The following CCDC178 variants were observed in gnomAD, a reference collection of about 807,000 sequenced individuals.
CCDC178 encodes the protein coiled-coil domain-containing protein 178.
In CCDC178, 126 loss-of-function variants were observed where a neutral mutation model predicts 117.4. The observed-to-expected ratio is 1.07, with a 90% CI of 0.93 to 1.24. CCDC178 has a LOEUF of 1.24. CCDC178 is among the 50% of genes most tolerant of loss of function. CCDC178 has a pLI of 0.00. For synonymous variants in CCDC178, 283 were observed against 313.4 expected, an observed-to-expected ratio of 0.90 and a Z score of 1.02; for missense variants, 1,030 against 986.9, an observed-to-expected ratio of 1.04 and a Z score of -0.59.
chr18:32,995,014 T>C (rs2055474031), intron 21 of CCDC178, among the ~76,000 whole-genome samples: 1 of 152,226 alleles, frequency 6.6e-6, no homozygotes, highest in African/African-American at 2.4e-5. Flanking sequence ...AGCTCAGTTA[T>C]GCCAAGTTGA....
Position 33,092,927 on chromosome 18 carries a change from T to A in CCDC178, c.2239-17A>T. ...TATTATTTTCTAGAAGGTAAAAAAA[T>A]ATAATTGAATTGTGTGTATATATAT... On this transcript the variant is annotated splice_polypyrimidine_tract_variant and intron_variant, in intron 20 of 22. Transcript: ENST00000383096. 1 of 1,464,672 alleles carries A rather than the reference T, an allele frequency of 6.8e-7. No individual in the cohort carries two copies. Among genetic ancestry groups the A allele is most frequent in the East Asian group, 2.3e-5 (1 of 43,258 alleles). 90.7% of individuals were successfully genotyped at this position (1,464,672 alleles called of 1,614,324 possible). A position where few individuals can be genotyped will look rare whatever the true frequency, so the allele number is the denominator to read the frequency against.
intron 15 of CCDC178, among the ~76,000 whole-genome samples, chr18:33,229,202 C>G (rs1248105112): frequency 6.6e-6 from 1 of 152,128 alleles, no homozygotes; most frequent in Non-Finnish European, 1.5e-5. Flanking sequence ...TCGATCAACT[C>G]CACAGCAAAC....
chr18:32,972,143 C>T (rs576245106), intron 22 of CCDC178, among the ~76,000 whole-genome samples: 96 of 151,958 alleles, frequency 6.3e-4, no homozygotes, highest in African/African-American at 1.9e-3. Context: ...AGGGGTTTTA[C>T]GGCTTTGGGT....
At chr18:33,186,228 C>T (rs1568041492) in intron 20 of CCDC178, among the ~76,000 whole-genome samples, 1 of 152,012 alleles carries the variant, frequency 6.6e-6, no homozygotes, top group Non-Finnish European at 1.5e-5. Context: ...ACTCTTTCTA[C>T]TAGGAAATTA....
chr18:33,307,932 G>C (rs1410743768), intron 11 of CCDC178, among the ~76,000 whole-genome samples: 2 of 152,228 alleles, frequency 1.3e-5, no homozygotes, highest in Non-Finnish European at 2.9e-5. Flanking sequence ...GGAAACACAT[G>C]GATGTCCAGG....
intron 21 of CCDC178, chr18:32,983,331 T>A: frequency 3.9e-6 from 6 of 1,531,058 alleles, no homozygotes; most frequent in Non-Finnish European, 5.2e-6. Flanking sequence ...TTTGGAAGTT[T>A]CTTAGGTAAG....
chr18:33,073,514 T>G (rs2057146933), intron 21 of CCDC178, among the ~76,000 whole-genome samples: 1 of 139,008 alleles, frequency 7.2e-6, no homozygotes, highest in African/African-American at 2.9e-5. Context: ...CATCTATCTA[T>G]CTATCTATCT....
intron 21 of CCDC178, among the ~76,000 whole-genome samples, chr18:33,009,308 G>C (rs7230035): frequency 0.15 from 22,903 of 152,012 alleles, 2,546 homozygotes; most frequent in African/African-American, 0.31. Flanking sequence ...CACTTCTCAT[G>C]TCAAAGCTCT....
intron 21 of CCDC178, among the ~76,000 whole-genome samples, chr18:33,042,955 C>T (rs1038118675): frequency 9.2e-5 from 14 of 151,890 alleles, no homozygotes; most frequent in African/African-American, 3.1e-4. Context: ...GACAACTGAG[C>T]ATTGGGTTTC....
intron 5 of CCDC178, among the ~76,000 whole-genome samples, chr18:33,388,404 A>G (rs2063522633): frequency 6.6e-6 from 1 of 152,012 alleles, no homozygotes; most frequent in African/African-American, 2.4e-5. Flanking sequence ...ATAAAGATAC[A>G]TGCATGTGTT....
In CCDC178 at chr18:33,316,915, C is replaced by G. The variant is rs190502506; in HGVS notation, c.1022+6576G>C. ...CTGTATCTAGCTAATCTAGTGGGGACATGGAGAACTTTTGTGTCTAGCTCA... is the reference window on the plus strand; with the variant it reads ...CTGTATCTAGCTAATCTAGTGGGGAGATGGAGAACTTTTGTGTCTAGCTCA... On this transcript the variant is annotated intron_variant, in intron 11 of 22. Coordinates refer to ENST00000383096, the MANE Select transcript of CCDC178 (RefSeq NM_001105528.4). Among the ~76,000 whole-genome samples, 419 of 152,212 alleles carry G rather than the reference C, an allele frequency of 2.8e-3. 1 individual carries two copies. Among genetic ancestry groups the G allele is most frequent in the African/African-American group, 9.8e-3 (406 of 41,536 alleles).
At chr18:33,038,403 C>T (rs2056484772) in intron 21 of CCDC178, among the ~76,000 whole-genome samples, 1 of 151,614 alleles carries the variant, frequency 6.6e-6, no homozygotes, top group Non-Finnish European at 1.5e-5. Context: ...AATATTGGTC[C>T]CTATTTCACT....
At chr18:33,415,872 G>A (rs1168624785) in intron 2 of CCDC178, among the ~76,000 whole-genome samples, 2 of 152,168 alleles carry the variant, frequency 1.3e-5, no homozygotes, top group Non-Finnish European at 1.5e-5. Context: ...ACTGAAAGGT[G>A]TAGAGAAGAA....
In CCDC178 at chr18:33,248,346, A is replaced by G. The variant is rs916849714; in HGVS notation, c.1410-2918T>C. ...GTGCAGGTTTGTTACATATGTATAC[A>G]TGTGCCATGTTGGTGTGCTGCACTC... On this transcript the variant is annotated intron_variant, in intron 14 of 22. Transcript: ENST00000383096. 2.0e-5 allele frequency among the ~76,000 whole-genome samples: 3 copies of G among 151,856 alleles called. No homozygotes were observed. In the East Asian group the frequency reaches 5.8e-4, roughly 29 times the overall value.
intron 10 of CCDC178, among the ~76,000 whole-genome samples, chr18:33,324,782 A>G (rs996274678): frequency 5.9e-5 from 9 of 151,808 alleles, no homozygotes; most frequent in Admixed American, 5.2e-4. Flanking sequence ...AGATTTCATA[A>G]TTGTAGTCTT....
chr18:33,387,564 A>G (rs1452736354), intron 5 of CCDC178, among the ~76,000 whole-genome samples: 1 of 152,204 alleles, frequency 6.6e-6, no homozygotes, highest in Non-Finnish European at 1.5e-5. Flanking sequence ...CCGCACATCT[A>G]CAACCATCTG....
intron 6 of CCDC178, among the ~76,000 whole-genome samples, chr18:33,360,760 C>T (rs1228679972): frequency 6.6e-6 from 1 of 151,482 alleles, no homozygotes; most frequent in East Asian, 1.9e-4. Context: ...TTTATAACAG[C>T]ATAAAATGCC....
At chr18:33,037,627 C>G (rs2056469478) in intron 21 of CCDC178, among the ~76,000 whole-genome samples, 1 of 151,922 alleles carries the variant, frequency 6.6e-6, no homozygotes, top group Admixed American at 6.6e-5. Context: ...TGCTTTTCTT[C>G]TTTCTCAAAA....
chr18:33,143,464 A>T (rs893900100), intron 20 of CCDC178, among the ~76,000 whole-genome samples: 2 of 152,186 alleles, frequency 1.3e-5, no homozygotes, highest in Non-Finnish European at 2.9e-5. Context: ...CCTCTGCTGT[A>T]TCTCTATATT....
Sources: gnomAD v4.1 joint callset for allele counts (sites outside exome capture counted in the v4.1 genomes callset) on GRCh38, gnomAD v4.1.1 for gene constraint, MANE v1.5 for transcripts, NCBI Gene and HGNC (gene_info 2026-07-23, HGNC 2026-07-21) for gene names.